Variants in NOTCH2NLA observed in about 807,000 individuals in gnomAD.
The protein encoded by NOTCH2NLA is notch 2 N-terminal like A.
chr1:146,174,708 T>C (rs1169882114), intron 2 of NOTCH2NLA, among the ~76,000 whole-genome samples: 1 of 144,164 alleles, frequency 6.9e-6, no homozygotes, highest in Admixed American at 7.1e-5. Flanking sequence ...CACTTTCTTC[T>C]TGCACTGGGC....
intron 3 of NOTCH2NLA, among the ~76,000 whole-genome samples, chr1:146,159,403 G>GAAAGAAAGA (rs1661355635): frequency 7.7e-6 from 1 of 130,586 alleles, no homozygotes; most frequent in African/African-American, 2.9e-5. Context: ...GAGAAAGAAA[G>GAAAGAAAGA]AAAGAAAGAA....
chr1:146,180,391 C>A (rs1263352461), intron 2 of NOTCH2NLA, among the ~76,000 whole-genome samples: 8 of 141,760 alleles, frequency 5.6e-5, no homozygotes, highest in African/African-American at 1.5e-4. Flanking sequence ...TCATAAAACT[C>A]TTTTCATAAA....
chr1:146,195,047 C>G (rs1331539277), intron 1 of NOTCH2NLA, among the ~76,000 whole-genome samples: 2 of 109,850 alleles, frequency 1.8e-5, no homozygotes, highest in Non-Finnish European at 3.7e-5. Context: ...AGGGCCACCC[C>G]CCCCCATCCT....
rs74543040 is a variant in NOTCH2NLA, at chr1:146,207,815, CTTTTTTTTTTTTT to C, written c.-44-18447_-44-18435del. 5.0e-4 allele frequency among the ~76,000 whole-genome samples: 36 copies of C among 72,240 alleles called. 2 individuals are homozygous for C. The highest frequency in any genetic ancestry group is 1.5e-3 in the Admixed American group (11 of 7,438). 47.4% of individuals were successfully genotyped at this position (72,240 alleles called of 152,430 possible). A position where few individuals can be genotyped will look rare whatever the true frequency, so the allele number is the denominator to read the frequency against. ...AATTAGACAGGCCCAATACCACTTTCTTTTTTTTTTTTTTTTTTTTTTTGGAGACAGGATCTTG... is the reference window on the plus strand; with the variant it reads ...AATTAGACAGGCCCAATACCACTTTCTTTTTTTTTTGGAGACAGGATCTTG... On this transcript the variant is annotated intron_variant, in intron 1 of 4. Transcript: ENST00000362074.
At chr1:146,186,620 C>A (rs1553810270) in intron 2 of NOTCH2NLA, among the ~76,000 whole-genome samples, 1 of 128,792 alleles carries the variant, frequency 7.8e-6, no homozygotes, top group South Asian at 2.6e-4. Flanking sequence ...AACAGTCCAA[C>A]AAAGAACTAT....
intron 2 of NOTCH2NLA, among the ~76,000 whole-genome samples, chr1:146,180,218 C>T (rs1662475188): frequency 1.4e-5 from 2 of 142,916 alleles, no homozygotes; most frequent in Non-Finnish European, 1.6e-5. Flanking sequence ...TACCATTCTA[C>T]ATAAATCCTA....
At chr1:146,210,570 A>G (rs76599895) in intron 1 of NOTCH2NLA, among the ~76,000 whole-genome samples, 3 of 95,758 alleles carry the variant, frequency 3.1e-5, no homozygotes, top group Non-Finnish European at 6.0e-5. Context: ...AAAAGTTTTG[A>G]AAAAACAATT....
At chr1:146,200,737 G>C (rs1663383393) in intron 1 of NOTCH2NLA, among the ~76,000 whole-genome samples, 1 of 126,286 alleles carries the variant, frequency 7.9e-6, no homozygotes, top group Admixed American at 7.9e-5. Flanking sequence ...TCAGATTTCT[G>C]CAGAGTTGTA....
intron 1 of NOTCH2NLA, among the ~76,000 whole-genome samples, chr1:146,224,071 GTT>G (rs1208016068): frequency 1.2e-5 from 1 of 83,982 alleles, no homozygotes; most frequent in African/African-American, 4.3e-5. Context: ...TTCACCTTTA[GTT>G]TTTGTCAGTA....
intron 2 of NOTCH2NLA, among the ~76,000 whole-genome samples, chr1:146,176,739 T>C (rs1274840344): frequency 1.7e-5 from 1 of 57,224 alleles, no homozygotes; most frequent in Non-Finnish European, 3.2e-5. Context: ...TAAAATTTCA[T>C]TGTATGAACT....
chr1:146,228,955 G>C, exon 1 of NOTCH2NLA: 1 of 1,441,050 alleles, frequency 6.9e-7, no homozygotes, highest in Non-Finnish European at 9.0e-7. Context: ...CCCGCGCCCC[G>C]AGTCCGCCGC....
At chr1:146,157,236 A>T (rs587773995) in intron 3 of NOTCH2NLA, among the ~76,000 whole-genome samples, 2 of 151,670 alleles carry the variant, frequency 1.3e-5, no homozygotes, top group East Asian at 2.0e-4. Context: ...AGGCAGGCAG[A>T]TCATGAGGTA....
chr1:146,172,613 C>A (rs1432687087), intron 2 of NOTCH2NLA, among the ~76,000 whole-genome samples: 2 of 151,070 alleles, frequency 1.3e-5, no homozygotes, highest in African/African-American at 4.9e-5. Context: ...CTTTCTTCCA[C>A]CCTTTTTTCA....
chr1:146,159,264 A>C (rs1488038109), intron 3 of NOTCH2NLA, among the ~76,000 whole-genome samples: 1 of 150,952 alleles, frequency 6.6e-6, no homozygotes, highest in Admixed American at 6.6e-5. Context: ...AGGCTGAGGC[A>C]CAAGAATCAC....
At chr1:146,188,355 AGCCTTCCT>A (rs1386015398) in intron 2 of NOTCH2NLA, among the ~76,000 whole-genome samples, 2 of 117,400 alleles carry the variant, frequency 1.7e-5, no homozygotes, top group Admixed American at 1.8e-4. Context: ...ATTATCTCAC[AGCCTTCCT>A]CAAACAAACA....
chr1:146,171,186 CTT>C (rs1661956868), intron 2 of NOTCH2NLA, among the ~76,000 whole-genome samples: 1 of 125,030 alleles, frequency 8.0e-6, no homozygotes, highest in African/African-American at 2.6e-5. Context: ...AATCTCAGCA[CTT>C]TGGGAGGCCG....
At chr1:146,210,722 T>C (rs1485176480) in intron 1 of NOTCH2NLA, 1 of 103,796 alleles carries the variant, frequency 9.6e-6, no homozygotes, top group Non-Finnish European at 2.0e-5. Context: ...AATATTCCTT[T>C]AATGCAGTGA....
intron 2 of NOTCH2NLA, among the ~76,000 whole-genome samples, chr1:146,182,482 C>A (rs1218014833): frequency 5.1e-5 from 7 of 136,814 alleles, no homozygotes; most frequent in African/African-American, 1.7e-4. Flanking sequence ...GCATTATAGA[C>A]TTTAACTTGC....
chr1:146,170,434 G>T (rs1661900932), intron 2 of NOTCH2NLA, among the ~76,000 whole-genome samples: 1 of 102,756 alleles, frequency 9.7e-6, no homozygotes, highest in South Asian at 3.1e-4. Context: ...ACACACAAAA[G>T]GCCACATATT....
Sources: allele counts gnomAD v4.1 joint callset (sites outside exome capture counted in the v4.1 genomes callset), GRCh38; gene constraint gnomAD v4.1.1; transcripts MANE v1.5; gene names NCBI Gene and HGNC (gene_info 2026-07-23, HGNC 2026-07-21).